The following SYN3 variants were observed in gnomAD, a reference collection of about 807,000 sequenced individuals.
SYN3 encodes synapsin III.
In SYN3, 35 loss-of-function variants were observed where a neutral mutation model predicts 65.8. The ratio of observed to expected loss-of-function variants is 0.53; its 90% CI spans 0.41 to 0.70. The LOEUF is 0.70. Ranked by LOEUF, SYN3 falls within the 30% of genes least tolerant of loss-of-function variation. The probability of loss-of-function intolerance (pLI) is 0.00; values close to 1 mark genes in which losing one functional copy is unlikely to be tolerated. For missense variants in SYN3, 680 were observed against 749.0 expected (o/e 0.91, Z 1.08); for synonymous variants, 270 against 292.9 (o/e 0.92, Z 0.80).
intron 6 of SYN3, among the ~76,000 whole-genome samples, chr22:32,832,731 G>A (rs1488755584): frequency 6.6e-6 from 1 of 150,618 alleles, no homozygotes; most frequent in Non-Finnish European, 1.5e-5. Context: ...AGATATACTC[G>A]CCCCTCTCTT....
intron 6 of SYN3, among the ~76,000 whole-genome samples, chr22:32,600,247 C>T (rs1293221859): frequency 2.0e-5 from 3 of 147,702 alleles, no homozygotes; most frequent in East Asian, 1.9e-4. Context: ...ATTTACATAA[C>T]GAGAGGGCAA....
At chr22:32,979,200 A>G (rs910631269) in intron 3 of SYN3, among the ~76,000 whole-genome samples, 1 of 151,370 alleles carries the variant, frequency 6.6e-6, no homozygotes, top group African/African-American at 2.4e-5. Flanking sequence ...AAAAAAAAAA[A>G]AAAGAAAGAA....
chr22:32,917,891 C>T (rs1017713886), intron 4 of SYN3, among the ~76,000 whole-genome samples: 8 of 152,236 alleles, frequency 5.3e-5, no homozygotes, highest in Non-Finnish European at 1.0e-4. Context: ...TCTGCAAGTC[C>T]CCAGGGATCC....
chr22:32,758,681 CATATAT>C lies in SYN3; in HGVS notation c.711+106228_711+106233del, dbSNP rs71187211. ...TGTGTAAGTTAATACTTACTAAACT[CATATAT>C]ATATATATATATATGTCTTATTAGT... On this transcript the variant is annotated intron_variant, in intron 6 of 13. Coordinates refer to ENST00000358763, the MANE Select transcript of SYN3 (RefSeq NM_003490.4). 2.4e-3 allele frequency among the ~76,000 whole-genome samples: 79 copies of C among 33,082 alleles called. 10 individuals carry two copies. The highest frequency in any genetic ancestry group is 0.021 in the Middle Eastern group (1 of 48). The allele number at this position is 33,082 out of a possible 152,430, so 21.7% of individuals were successfully genotyped here.
chr22:32,929,311 T>C (rs1248925725), intron 4 of SYN3, among the ~76,000 whole-genome samples: 2 of 152,100 alleles, frequency 1.3e-5, no homozygotes, highest in Non-Finnish European at 1.5e-5. Context: ...AACCTGGTTA[T>C]ATAACTTTTT....
At chr22:32,949,987 A>G (rs1478274997) in intron 3 of SYN3, among the ~76,000 whole-genome samples, 2 of 152,204 alleles carry the variant, frequency 1.3e-5, no homozygotes, top group Non-Finnish European at 2.9e-5. Context: ...TGAGAAAGGC[A>G]AGATGCTGGC....
At chr22:32,924,332 T>C (rs1194965017) in intron 4 of SYN3, among the ~76,000 whole-genome samples, 1 of 152,192 alleles carries the variant, frequency 6.6e-6, no homozygotes, top group Non-Finnish European at 1.5e-5. Flanking sequence ...CTGTAACAAA[T>C]CTTGCTAAAG....
chr22:33,034,491 C>A (rs2053816858), intron 1 of SYN3, among the ~76,000 whole-genome samples: 1 of 151,952 alleles, frequency 6.6e-6, no homozygotes, highest in East Asian at 2.0e-4. Context: ...TGTGATCTGC[C>A]CACCTCGGCC....
At chr22:32,900,280 C>T in intron 4 of SYN3, among the ~76,000 whole-genome samples, 1 of 152,168 alleles carries the variant, frequency 6.6e-6, no homozygotes, top group African/African-American at 2.4e-5. Flanking sequence ...CAGCCCAGCA[C>T]CATCTTTTCA....
intron 6 of SYN3, among the ~76,000 whole-genome samples, chr22:32,634,140 C>T (rs1013662965): frequency 6.6e-6 from 1 of 152,180 alleles, no homozygotes; most frequent in Non-Finnish European, 1.5e-5. Flanking sequence ...TAATAACTTA[C>T]TAAAGTCTCA....
At chr22:32,676,396 G>A (rs2060441761) in intron 6 of SYN3, among the ~76,000 whole-genome samples, 1 of 152,184 alleles carries the variant, frequency 6.6e-6, no homozygotes, top group Non-Finnish European at 1.5e-5. Flanking sequence ...TTGTCCTAGG[G>A]AGTTTCCCTA....
rs544961745 is a variant in SYN3, at chr22:32,509,819, C to T, written c.*3873G>A. Among the ~76,000 whole-genome samples, 19 of 152,250 alleles carry T rather than the reference C, an allele frequency of 1.2e-4. No homozygotes were observed. The highest frequency in any genetic ancestry group is 4.2e-4 in the South Asian group (2 of 4,810). Reference sequence around the variant, plus strand: ...TCCTGACCTAGTCATCCGCCCACCTCGGCCTCCCAAAGTGCTGGGATTACT... The same window carrying T: ...TCCTGACCTAGTCATCCGCCCACCTTGGCCTCCCAAAGTGCTGGGATTACT... On this transcript the variant is annotated 3_prime_UTR_variant, in exon 14 of 14. Coordinates refer to ENST00000358763, the MANE Select transcript of SYN3 (RefSeq NM_003490.4).
chr22:32,998,852 AGT>A (rs1388481344), intron 2 of SYN3, among the ~76,000 whole-genome samples: 1 of 151,104 alleles, frequency 6.6e-6, no homozygotes, highest in African/African-American at 2.4e-5. Flanking sequence ...GCAGCCTTAC[AGT>A]GACTCTGGCA....
chr22:32,786,927 G>T (rs894774320), intron 6 of SYN3, among the ~76,000 whole-genome samples: 3 of 152,122 alleles, frequency 2.0e-5, no homozygotes, highest in African/African-American at 7.2e-5. Flanking sequence ...GGGCTGGAAG[G>T]ACCAGGTTTC....
rs1367148636 is a variant in SYN3 at position 32,875,418 on chromosome 22, C to CT, written c.462-6294_462-6293insA. Among the ~76,000 whole-genome samples, 9 of 152,316 alleles carry CT rather than the reference C, an allele frequency of 5.9e-5. No homozygotes were observed. In the East Asian group the frequency reaches 1.7e-3, roughly 29 times the overall value. ...GGTCTCTTCCTTCCTGAATCTCTGT[C>CT]CTTGCTCTATCCTCTTCCTCCTGGT... On this transcript the variant is annotated intron_variant, in intron 4 of 13. Transcript: ENST00000358763.
intron 3 of SYN3, among the ~76,000 whole-genome samples, chr22:32,932,147 A>C (rs1166701355): frequency 7.2e-6 from 1 of 138,514 alleles, no homozygotes; most frequent in East Asian, 2.3e-4. Context: ...TTGATGGGAC[A>C]TTTTCTCTAG....
chr22:32,836,493 T>G (rs2047732796), intron 6 of SYN3, among the ~76,000 whole-genome samples: 1 of 152,270 alleles, frequency 6.6e-6, no homozygotes, highest in Admixed American at 6.5e-5. Flanking sequence ...TTTACTTATT[T>G]ATTTTATTTA....
At chr22:32,599,382 T>C (rs1269599286) in intron 6 of SYN3, among the ~76,000 whole-genome samples, 1 of 151,472 alleles carries the variant, frequency 6.6e-6, no homozygotes, top group Non-Finnish European at 1.5e-5. Context: ...AGTGCAGTGG[T>C]GCGATCTCGG....
At chr22:32,998,782 A>AC (rs932899751) in intron 2 of SYN3, among the ~76,000 whole-genome samples, 2 of 131,952 alleles carry the variant, frequency 1.5e-5, no homozygotes, top group African/African-American at 2.6e-5. Context: ...ATAGTAAAAA[A>AC]AAAAAAAAAA....
Sources: allele counts gnomAD v4.1 joint callset (sites outside exome capture counted in the v4.1 genomes callset), GRCh38; gene constraint gnomAD v4.1.1; transcripts MANE v1.5; gene names NCBI Gene and HGNC (gene_info 2026-07-23, HGNC 2026-07-21).